ATF7IP: variants seen among roughly 807,000 people sequenced by gnomAD.
ATF7IP encodes the protein activating transcription factor 7 interacting protein, also known as activating transcription factor 7-interacting protein 1.
In ATF7IP, 23 loss-of-function variants were observed where a neutral mutation model predicts 106.4. The observed-to-expected ratio is 0.22, with a 90% CI of 0.16 to 0.31. ATF7IP has a LOEUF of 0.31. ATF7IP is among the 10% of genes least tolerant of loss of function. The pLI is 1.00. For synonymous variants in ATF7IP, 542 were observed against 539.0 expected, an observed-to-expected ratio of 1.01 and a Z score of -0.08; for missense variants, 1,334 against 1,524.3, an observed-to-expected ratio of 0.88 and a Z score of 2.08.
At chr12:14,367,099 C>G (rs1160493210) in intron 1 of ATF7IP, among the ~76,000 whole-genome samples, 1 of 152,094 alleles carries the variant, frequency 6.6e-6, no homozygotes, top group African/African-American at 2.4e-5. Context: ...AAGAAACTTG[C>G]AAATGTTTTC....
intron 2 of ATF7IP, among the ~76,000 whole-genome samples, chr12:14,428,907 T>C (rs1941995363): frequency 6.6e-6 from 1 of 152,210 alleles, no homozygotes; most frequent in Non-Finnish European, 1.5e-5. Flanking sequence ...AATTGTGACA[T>C]AGTATTATGT....
At chr12:14,400,769 C>T (rs1359586679) in intron 1 of ATF7IP, among the ~76,000 whole-genome samples, 1 of 152,132 alleles carries the variant, frequency 6.6e-6, no homozygotes, top group Non-Finnish European at 1.5e-5. Flanking sequence ...ACAGTTAACT[C>T]TTCTGCTCAT....
Position 14,438,308 on chromosome 12 carries a change from G to T in ATF7IP, c.1929+41G>T, listed in dbSNP as rs917618120. 4.0e-6 allele frequency: 6 copies of T among 1,505,556 alleles called. No individual in the cohort carries two copies. The African/African-American group carries it at 8.4e-5, about 21-fold the overall frequency. The allele number at this position is 1,505,556 out of a possible 1,614,324, so 93.3% of individuals were successfully genotyped here. ...TGAGTTGTATACTCCATGTGTCATT[G>T]TTTTTATAACTTATTTTCTGAGATA... On this transcript the variant is annotated intron_variant, in intron 5 of 14. Transcript: ENST00000261168.
In ATF7IP at chr12:14,496,245, G is replaced by A; in HGVS notation, c.3295G>A (p.Val1099Met). 6.2e-7 allele frequency: 1 copy of A among 1,612,236 alleles called. No individual in the cohort carries two copies. Among genetic ancestry groups the A allele is most frequent in the Non-Finnish European group, 8.5e-7 (1 of 1,178,812 alleles). The stretch of plus-strand genomic sequence containing the variant: ...TTTGTTTGTAGGTGTTACAGTTCGA[G>A]TGCCTCAAACAACCACATATGTTGT... ...VNPQNSVTVRVPQTTTYVVNN... is the reference protein window; with the variant it reads ...VNPQNSVTVRMPQTTTYVVNN... The change falls in exon 14 of 15, where the codon GTG (valine) becomes ATG (methionine). Residue 1099 changes from valine (V) to methionine (M), a missense_variant. Around this residue, in one of 10 missense-constraint regions of ATF7IP, gnomAD observed 370 missense variants for 401.2 expected, o/e 0.92. Transcript: ENST00000261168.
intron 1 of ATF7IP, among the ~76,000 whole-genome samples, chr12:14,372,517 CTTTA>C (rs1938573459): frequency 6.6e-6 from 1 of 150,740 alleles, no homozygotes; most frequent in African/African-American, 2.4e-5. Context: ...TCCTGAGAGT[CTTTA>C]TAGTTGGACC....
intron 1 of ATF7IP, among the ~76,000 whole-genome samples, chr12:14,402,127 CT>C (rs11297116): frequency 0.41 from 41,474 of 101,208 alleles, 5,707 homozygotes; most frequent in Middle Eastern, 0.49. Flanking sequence ...TTTCTTCTTT[CT>C]TTTTTTTTTT....
chr12:14,481,035 G>A lies in ATF7IP; in HGVS notation c.3130G>A (p.Val1044Ile), dbSNP rs1181035929. ...PTTVNVTHRP[V>I]TQVTTRLPVP... is the part of the protein sequence containing the mutation. ...TACCGTGAATGTAACACATCGTCCA[G>A]TAACTCAGGTGACCACAAGACTCCC... The change falls in exon 13 of 15, where the codon GTA becomes ATA. Residue 1044 changes from valine to isoleucine, a missense_variant. This residue lies in a region of ATF7IP where 370 missense variants were observed against 401.2 expected (regional missense o/e 0.92). Coordinates refer to ENST00000261168, the MANE Select transcript of ATF7IP (RefSeq NM_018179.5). 5 of 1,613,846 alleles carry A rather than the reference G, an allele frequency of 3.1e-6. No homozygotes were observed. The highest frequency in any genetic ancestry group is 4.2e-6 in the Non-Finnish European group (5 of 1,179,936).
At chr12:14,410,853 G>A (rs1940875715) in intron 1 of ATF7IP, among the ~76,000 whole-genome samples, 1 of 152,104 alleles carries the variant, frequency 6.6e-6, no homozygotes, top group Admixed American at 6.5e-5. Flanking sequence ...CTATGGATAA[G>A]GGGGAATACC....
intron 13 of ATF7IP, among the ~76,000 whole-genome samples, chr12:14,483,507 G>A (rs530308207): frequency 1.3e-5 from 2 of 152,252 alleles, no homozygotes; most frequent in East Asian, 1.9e-4. Context: ...TTGTCTCCTG[G>A]TGGGAGCGTT....
At chr12:14,466,714 T>C in intron 10 of ATF7IP, 124 bp downstream of exon 10, 2 of 740,676 alleles carry the variant, frequency 2.7e-6, no homozygotes, top group Non-Finnish European at 4.4e-6. Context: ...ATCCAAACAT[T>C]GTCTCACAGC....
intron 13 of ATF7IP, among the ~76,000 whole-genome samples, chr12:14,487,660 AT>A (rs1409138066): frequency 1.3e-5 from 2 of 152,186 alleles, no homozygotes; most frequent in African/African-American, 2.4e-5. Context: ...AGGTTAGCCA[AT>A]TGTATGATAA....
At chr12:14,479,111 G>C (rs543688105) in intron 12 of ATF7IP, among the ~76,000 whole-genome samples, 1 of 152,034 alleles carries the variant, frequency 6.6e-6, no homozygotes, top group Non-Finnish European at 1.5e-5. Context: ...GTGAAACCCC[G>C]TCTCTACAAA....
intron 1 of ATF7IP, chr12:14,385,291 G>A (rs1022351077): frequency 9.3e-7 from 1 of 1,075,544 alleles, no homozygotes; most frequent in Admixed American, 2.8e-5. Flanking sequence ...ACACTTTTGT[G>A]CAACTGAGAC....
At chr12:14,448,098 C>A (rs568684599) in intron 6 of ATF7IP, among the ~76,000 whole-genome samples, 1 of 151,990 alleles carries the variant, frequency 6.6e-6, no homozygotes, top group African/African-American at 2.4e-5. Context: ...GAACAAGGTC[C>A]ATTTCTTCAT....
chr12:14,378,906 C>T (rs1938883064), intron 1 of ATF7IP, among the ~76,000 whole-genome samples: 1 of 152,172 alleles, frequency 6.6e-6, no homozygotes, highest in Non-Finnish European at 1.5e-5. Context: ...CACAATTCCT[C>T]AGGTATGGTG....
At position 14,462,995 on chromosome 12, in the gene ATF7IP, ATTC is replaced by A. The variant is rs1258098360; in HGVS notation, c.2797+1866_2797+1868del. 7.2e-5 allele frequency among the ~76,000 whole-genome samples: 11 copies of A among 152,102 alleles called. No individual in the cohort carries two copies. The East Asian group carries it at 7.7e-4, about 11-fold the overall frequency. On this transcript the variant is annotated intron_variant, in intron 9 of 14. Transcript: ENST00000261168. ...AAAATGAGATTTTATGAATTTGCTT[ATTC>A]TTCATTTCTGACTTTATTAATAAAT...
intron 10 of ATF7IP, among the ~76,000 whole-genome samples, chr12:14,475,662 AC>A (rs1411509073): frequency 2.9e-4 from 44 of 152,244 alleles, no homozygotes; most frequent in Admixed American, 4.6e-4. Flanking sequence ...TTTTAAGAAA[AC>A]GTCTTGAATT....
chr12:14,411,608 C>G (rs1940917304), intron 1 of ATF7IP, among the ~76,000 whole-genome samples: 1 of 150,712 alleles, frequency 6.6e-6, no homozygotes, highest in African/African-American at 2.4e-5. Context: ...GTCCTTTGCT[C>G]ATTTTAAAAT....
rs1943413867 is a variant in ATF7IP, at chr12:14,456,086, TA to T, written c.1996-469del. 2.0e-5 allele frequency among the ~76,000 whole-genome samples: 3 copies of T among 152,154 alleles called. No homozygotes were observed. In the South Asian group the frequency reaches 6.2e-4, roughly 32 times the overall value. ...CACATAGTGGTAGGTAGTATTTTTT[TA>T]AAAAACAACTTAAAAATAATTTTGA... On this transcript the variant is annotated intron_variant, in intron 6 of 14. Coordinates refer to ENST00000261168, the MANE Select transcript of ATF7IP (RefSeq NM_018179.5).
Sources: allele counts gnomAD v4.1 joint callset (sites outside exome capture counted in the v4.1 genomes callset), GRCh38; gene constraint gnomAD v4.1.1; regional missense constraint gnomAD v4.1.1; transcripts MANE v1.5; gene names NCBI Gene and HGNC (gene_info 2026-07-23, HGNC 2026-07-21).